The following CYP4V2 variants were observed in gnomAD, a reference collection of about 807,000 sequenced individuals.
CYP4V2 encodes cytochrome P450 4V2.
A neutral mutation model predicts 60.8 loss-of-function variants in CYP4V2; 55 were observed. The observed-to-expected ratio is 0.90, with a 90% CI of 0.73 to 1.13. The LOEUF (loss-of-function observed/expected upper bound fraction) is 1.13. Among genes scored for constraint, CYP4V2 ranks in the 50% most tolerant of loss-of-function variants. CYP4V2 has a pLI of 0.00. For missense variants in CYP4V2, 675 were observed against 662.9 expected (o/e 1.02, Z -0.20); for synonymous variants, 239 against 236.8 (o/e 1.01, Z -0.08).
chr4:186,199,040 A>T lies in CYP4V2; in HGVS notation c.758A>T (p.Glu253Val). The part of the protein sequence containing the change: ...LWYLMFKEGW[E>V]HKKSLQILHT... ...TACCTTATGTTTAAAGAAGGATGGG[A>T]ACACAAAAAGAGCCTTCAGATCCTA... Residue 253 changes from glutamate to valine, a missense_variant, in exon 6 of 11, where the codon GAA becomes GTA. Transcript: ENST00000378802. 1 of 1,614,122 alleles carries T rather than the reference A, an allele frequency of 6.2e-7. No individual in the cohort carries two copies. Among genetic ancestry groups the T allele is most frequent in the Non-Finnish European group, 8.5e-7 (1 of 1,179,976 alleles).
At chr4:186,197,690 T>G in intron 5 of CYP4V2, 88 bp downstream of exon 5, 1 of 1,396,240 alleles carries the variant, frequency 7.2e-7, no homozygotes, top group South Asian at 1.2e-5. Flanking sequence ...TTGTATCTTT[T>G]TATGGTTTCA....
At chr4:186,197,684 A>G (rs1408295295) in intron 5 of CYP4V2, 82 bp downstream of exon 5, 1 of 1,432,000 alleles carries the variant, frequency 7.0e-7, no homozygotes, top group Non-Finnish European at 9.8e-7. Flanking sequence ...TCTGCGTTGT[A>G]TCTTTTTATG....
chr4:186,193,243 C>T (rs991570157), intron 1 of CYP4V2, among the ~76,000 whole-genome samples: 6 of 152,164 alleles, frequency 3.9e-5, no homozygotes, highest in Non-Finnish European at 7.3e-5. Flanking sequence ...AGATTTTCCC[C>T]TATCCCCTAC....
In CYP4V2 at chr4:186,210,476, G is replaced by GT. The variant is rs1174163312; in HGVS notation, c.1416dup (p.Ala473CysfsTer39). The GT allele has an allele frequency of 1.2e-6, 2 of 1,614,018 alleles. No homozygotes were observed. The highest frequency in any genetic ancestry group is 2.7e-5 in the African/African-American group (2 of 74,918). ...ATCTACATTAATTTGAAGGTCAAAA[G>GT]TTTGCTGTGATGGAAGAAAAGACCA... On this transcript the variant is annotated frameshift_variant, in exon 11 of 11. Coordinates refer to ENST00000378802, the MANE Select transcript of CYP4V2 (RefSeq NM_207352.4). LOFTEE classifies it high-confidence loss of function.
chr4:186,210,862 C>T lies in CYP4V2; in HGVS notation c.*221C>T. The T allele has an allele frequency of 2.0e-6, 1 of 500,722 alleles. No individual in the cohort carries two copies. Among genetic ancestry groups the T allele is most frequent in the South Asian group, 2.1e-5 (1 of 46,814 alleles). 31.0% of individuals were successfully genotyped at this position (500,722 alleles called of 1,614,324 possible). On this transcript the variant is annotated 3_prime_UTR_variant, in exon 11 of 11. Transcript: ENST00000378802. The stretch of plus-strand genomic sequence containing the variant: ...TTATTTTTTTTTTTTGAAACCGTGT[C>T]TCACTCTGTCGCCCAGGCTGGAGGA...
In CYP4V2 at chr4:186,195,920, T is replaced by C; in HGVS notation, c.328-83T>C. ...TGTTGTGAATGCCCTAAAAACTAGC[T>C]GTATTCTAGCCAGTATTCCTATAAT... On this transcript the variant is annotated intron_variant, in intron 2 of 10. Transcript: ENST00000378802. The surrounding 1 kb of genome is among the most constrained non-coding windows in gnomAD (Gnocchi z 4.1). 1.0e-6 allele frequency: 1 copy of C among 964,970 alleles called. No individual in the cohort carries two copies. Among genetic ancestry groups the C allele is most frequent in the Non-Finnish European group, 1.7e-6 (1 of 605,014 alleles). The allele number at this position is 964,970 out of a possible 1,614,324, so 59.8% of individuals were successfully genotyped here.
Position 186,191,977 on chromosome 4 carries a change from ACGG to A in CYP4V2, c.155_157del (p.Thr52_Val53delinsMet). On this transcript the variant is annotated inframe_deletion, in exon 1 of 11. Coordinates refer to ENST00000378802, the MANE Select transcript of CYP4V2 (RefSeq NM_207352.4). The stretch of plus-strand genomic sequence containing the variant: ...ATGGCAGCAGATGCGGCCCATCCCC[ACGG>A]TGGCCCGCGCCTACCCACTGGTGGG... 1 of 1,585,734 alleles carries A rather than the reference ACGG, an allele frequency of 6.3e-7. No individual in the cohort carries two copies. Among genetic ancestry groups the A allele is most frequent in the Non-Finnish European group, 8.5e-7 (1 of 1,170,320 alleles).
intron 7 of CYP4V2, 170 bp downstream of exon 7, chr4:186,201,512 A>C: frequency 1.3e-6 from 1 of 771,592 alleles, no homozygotes; most frequent in Non-Finnish European, 2.0e-6. Context: ...GTACCAGCTC[A>C]ACTTCTTCAG....
intron 8 of CYP4V2, among the ~76,000 whole-genome samples, chr4:186,207,020 A>C (rs1181930100): frequency 1.3e-5 from 2 of 152,122 alleles, no homozygotes; most frequent in Non-Finnish European, 2.9e-5. Context: ...TGAGTGACAC[A>C]GTCATCATTA....
At chr4:186,210,321 A>T in intron 10 of CYP4V2, 148 bp from the exon 11 acceptor site, 2 of 933,404 alleles carry the variant, frequency 2.1e-6, no homozygotes, top group East Asian at 2.5e-5. Context: ...AAGACTCTTC[A>T]TCTTTAACAG....
intron 3 of CYP4V2, chr4:186,196,424 CA>C (rs1256031437): frequency 2.5e-5 from 9 of 360,020 alleles, no homozygotes; most frequent in Non-Finnish European, 4.2e-5. Context: ...CTTGAAAATC[CA>C]ATCAAAAAGA....
chr4:186,197,247 AGCGCGGTTCTACGACC>A lies in CYP4V2; in HGVS notation c.604+120_604+135del. On this transcript the variant is annotated intron_variant, in intron 4 of 10. Transcript: ENST00000378802. ...GACGGGAAAGGGTGACGGGCTCTTCAGCGCGGTTCTACGACCGCACTGGCCTTCTGAGGAGCAGCAG... is the reference window on the plus strand; with the variant it reads ...GACGGGAAAGGGTGACGGGCTCTTCAGCACTGGCCTTCTGAGGAGCAGCAG... The A allele has an allele frequency of 3.1e-6, 4 of 1,311,142 alleles. No homozygotes were observed. The Admixed American group carries it at 5.3e-5, about 17-fold the overall frequency. The allele number at this position is 1,311,142 out of a possible 1,614,324, so 81.2% of individuals were successfully genotyped here.
intron 4 of CYP4V2, 65 bp downstream of exon 4, chr4:186,197,195 A>C: frequency 6.3e-7 from 1 of 1,583,388 alleles, no homozygotes; most frequent in South Asian, 1.1e-5. Flanking sequence ...ACAGGAAATC[A>C]CACTCCACCG....
At chr4:186,197,389 G>T in intron 4 of CYP4V2, 144 bp from the exon 5 acceptor site, 1 of 942,872 alleles carries the variant, frequency 1.1e-6, no homozygotes, top group East Asian at 2.5e-5. Flanking sequence ...CCGTACAAGA[G>T]AAGAGGGTAA....
chr4:186,203,171 CACA>C (rs1736375560), intron 7 of CYP4V2: 1 of 152,244 alleles, frequency 6.6e-6, no homozygotes, highest in Non-Finnish European at 1.5e-5. Flanking sequence ...CATATATGTG[CACA>C]ACCCCATACA....
In CYP4V2 at chr4:186,210,813, T is replaced by C. The variant is rs1043961395; in HGVS notation, c.*172T>C. 18 of 798,242 alleles carry C rather than the reference T, an allele frequency of 2.3e-5. No individual in the cohort carries two copies. The highest frequency in any genetic ancestry group is 3.1e-5 in the Non-Finnish European group (16 of 513,936). The allele number at this position is 798,242 out of a possible 1,614,324, so 49.4% of individuals were successfully genotyped here. ...CTAACAAAGAAAAAGTTTTGAGTTT[T>C]GTATTTTCTTTTTTCTTTTTTCTTT... is the stretch of plus-strand genomic sequence containing the variant. On this transcript the variant is annotated 3_prime_UTR_variant, in exon 11 of 11. Coordinates refer to ENST00000378802, the MANE Select transcript of CYP4V2 (RefSeq NM_207352.4).
rs1736748392 is a variant in CYP4V2, at chr4:186,212,288, C to A, written c.*1647C>A. 6.6e-6 allele frequency: 1 copy of A among 152,100 alleles called. No individual in the cohort carries two copies. The highest frequency in any genetic ancestry group is 1.5e-5 in the Non-Finnish European group (1 of 68,018). 9.4% of individuals were successfully genotyped at this position (152,100 alleles called of 1,614,324 possible). ...TTCAGGCATACTTTTGGGATTCTTC[C>A]ATCTTTAAAGGAAAAAGGAAGCCAT... is the stretch of plus-strand genomic sequence containing the variant. On this transcript the variant is annotated 3_prime_UTR_variant, in exon 11 of 11. Transcript: ENST00000378802.
chr4:186,205,539 C>T (rs1736471761), intron 8 of CYP4V2, among the ~76,000 whole-genome samples: 1 of 152,130 alleles, frequency 6.6e-6, no homozygotes, highest in African/African-American at 2.4e-5. Flanking sequence ...TCAAGGGTCT[C>T]ACTGCTACCC....
chr4:186,213,266 T>A lies in CYP4V2; in HGVS notation c.*2625T>A, dbSNP rs958749507. On this transcript the variant is annotated 3_prime_UTR_variant, in exon 11 of 11. Transcript: ENST00000378802. ...GATGCTGCCTTGTTTTATAAGAAGA[T>A]GATCAAGGTTTGTGTGCCCATTACC... 4 of 152,212 alleles carry A rather than the reference T, an allele frequency of 2.6e-5. No individual in the cohort carries two copies. The highest frequency in any genetic ancestry group is 4.4e-5 in the Non-Finnish European group (3 of 68,032). 9.4% of individuals were successfully genotyped at this position (152,212 alleles called of 1,614,324 possible). A position where few individuals can be genotyped will look rare whatever the true frequency, so the allele number is the denominator to read the frequency against.
Sources: gnomAD v4.1 joint callset for allele counts (sites outside exome capture counted in the v4.1 genomes callset) on GRCh38, gnomAD v4.1.1 for gene constraint, Gnocchi (gnomAD v3.1) non-coding constraint, MANE v1.5 for transcripts, NCBI Gene and HGNC (gene_info 2026-07-23, HGNC 2026-07-21) for gene names.